CAMK4: variants seen among roughly 807,000 people sequenced by gnomAD.
CAMK4 encodes the protein calcium/calmodulin dependent protein kinase IV.
CAMK4 carries 22 observed loss-of-function variants against 44.9 expected under a neutral mutation model. That is an observed-to-expected ratio of 0.49 (90% CI 0.35 to 0.70). The LOEUF is 0.70. Ranked by LOEUF, CAMK4 falls within the 30% of genes least tolerant of loss-of-function variation. The pLI is 0.01. For missense variants in CAMK4, 498 were observed against 586.8 expected, an observed-to-expected ratio of 0.85 and a Z score of 1.56; for synonymous variants, 218 against 215.4, an observed-to-expected ratio of 1.01 and a Z score of -0.11.
At chr5:111,444,167 G>A (rs985645846) in intron 5 of CAMK4, among the ~76,000 whole-genome samples, 4 of 152,160 alleles carry the variant, frequency 2.6e-5, no homozygotes, top group African/African-American at 4.8e-5. Context: ...TAGGCAAGAC[G>A]TATGTGCTCT....
chr5:111,418,084 A>G (rs911990351), intron 5 of CAMK4, among the ~76,000 whole-genome samples: 1 of 152,068 alleles, frequency 6.6e-6, no homozygotes, highest in Non-Finnish European at 1.5e-5. Context: ...CTGCCCCCAT[A>G]TTCACGTAGG....
At chr5:111,472,902 C>T (rs1580800118) in intron 7 of CAMK4, among the ~76,000 whole-genome samples, 1 of 152,312 alleles carries the variant, frequency 6.6e-6, no homozygotes, top group East Asian at 1.9e-4. Context: ...ACACCCTGCT[C>T]CCAGCAGGTC....
intron 1 of CAMK4, among the ~76,000 whole-genome samples, chr5:111,341,252 G>A (rs763360258): frequency 1.3e-5 from 2 of 150,964 alleles, no homozygotes; most frequent in African/African-American, 2.4e-5. Context: ...TTTTGATTTT[G>A]TATCTAAGAA....
At chr5:111,274,158 T>C (rs1454529354) in intron 1 of CAMK4, among the ~76,000 whole-genome samples, 2 of 152,092 alleles carry the variant, frequency 1.3e-5, no homozygotes, top group Non-Finnish European at 2.9e-5. Flanking sequence ...AATATTTTCT[T>C]GCCTCATTTC....
intron 5 of CAMK4, among the ~76,000 whole-genome samples, chr5:111,401,502 T>C (rs1226804410): frequency 6.8e-6 from 1 of 147,026 alleles, no homozygotes; most frequent in Non-Finnish European, 1.5e-5. Flanking sequence ...AATCTAACCC[T>C]TTAAAAGTCA....
intron 5 of CAMK4, among the ~76,000 whole-genome samples, chr5:111,443,355 T>TA (rs1753914695): frequency 7.0e-6 from 1 of 142,572 alleles, no homozygotes; most frequent in African/African-American, 2.6e-5. Context: ...ATACTATATA[T>TA]ATAGTATATA....
chr5:111,396,504 TC>T (rs1752012910), intron 5 of CAMK4, among the ~76,000 whole-genome samples: 1 of 152,084 alleles, frequency 6.6e-6, no homozygotes, highest in African/African-American at 2.4e-5. Flanking sequence ...CATAGACCTT[TC>T]CAACTTCAGT....
Position 111,224,706 on chromosome 5 carries a change from G to A in CAMK4, c.161+62G>A. 6.6e-7 allele frequency: 1 copy of A among 1,515,940 alleles called. No individual in the cohort carries two copies. Among genetic ancestry groups the A allele is most frequent in the Non-Finnish European group, 8.9e-7 (1 of 1,117,540 alleles). 93.9% of individuals were successfully genotyped at this position (1,515,940 alleles called of 1,614,324 possible). A position where few individuals can be genotyped will look rare whatever the true frequency, so the allele number is the denominator to read the frequency against. Reference sequence around the variant, plus strand: ...TGCACTGGGGGTTGTCCCTCTCGCAGCGACGGCTCGGAGGGTGCGGGAGCC... The same window carrying A: ...TGCACTGGGGGTTGTCCCTCTCGCAACGACGGCTCGGAGGGTGCGGGAGCC... On this transcript the variant is annotated intron_variant, in intron 1 of 10. Coordinates refer to ENST00000282356, the MANE Select transcript of CAMK4 (RefSeq NM_001744.6). The surrounding 1 kb of genome is among the most constrained non-coding windows in gnomAD (Gnocchi z 5.7).
intron 5 of CAMK4, among the ~76,000 whole-genome samples, chr5:111,443,337 CTATATATAT>C (rs1561491478): frequency 2.6e-5 from 3 of 115,616 alleles, no homozygotes; most frequent in South Asian, 2.8e-4. Context: ...ACTATATATA[CTATATATAT>C]ACTATATATA....
chr5:111,348,148 T>G (rs1361504065), intron 2 of CAMK4, among the ~76,000 whole-genome samples: 1 of 152,052 alleles, frequency 6.6e-6, no homozygotes, highest in Non-Finnish European at 1.5e-5. Context: ...AATTCCATTT[T>G]GCGGCAATAT....
chr5:111,227,425 C>T (rs887561824), intron 1 of CAMK4, among the ~76,000 whole-genome samples: 6 of 152,180 alleles, frequency 3.9e-5, no homozygotes, highest in Non-Finnish European at 8.8e-5. Flanking sequence ...TCTGGTGTTA[C>T]GTGTTGCTGT....
chr5:111,391,813 A>G (rs1751811829), intron 4 of CAMK4, among the ~76,000 whole-genome samples: 1 of 152,176 alleles, frequency 6.6e-6, no homozygotes, highest in South Asian at 2.1e-4. Context: ...AACATGTCTT[A>G]AAAGACTTTA....
chr5:111,363,501 A>G (rs1401699052), intron 2 of CAMK4, among the ~76,000 whole-genome samples: 3 of 152,100 alleles, frequency 2.0e-5, no homozygotes, highest in South Asian at 4.1e-4. Flanking sequence ...TCATGCTCCG[A>G]TGGAAGAAAT....
chr5:111,235,850 A>G (rs1179136579), intron 1 of CAMK4, among the ~76,000 whole-genome samples: 2 of 152,098 alleles, frequency 1.3e-5, no homozygotes, highest in Non-Finnish European at 1.5e-5. Context: ...TCGGGGAGCC[A>G]CCTCTAAGGG....
chr5:111,300,477 G>A (rs1483858009), intron 1 of CAMK4, among the ~76,000 whole-genome samples: 2 of 152,032 alleles, frequency 1.3e-5, no homozygotes, highest in Non-Finnish European at 2.9e-5. Flanking sequence ...TCTTTGCATT[G>A]ATTTTTTTGT....
intron 2 of CAMK4, among the ~76,000 whole-genome samples, chr5:111,363,430 G>T (rs1482863960): frequency 6.6e-6 from 1 of 152,010 alleles, no homozygotes; most frequent in African/African-American, 2.4e-5. Context: ...GCCAGGTATT[G>T]GTAAATAACG....
chr5:111,437,384 G>A (rs956690267), intron 5 of CAMK4, among the ~76,000 whole-genome samples: 9 of 152,194 alleles, frequency 5.9e-5, no homozygotes, highest in Non-Finnish European at 1.0e-4. Context: ...GGAAAATTGA[G>A]TTATTTATTA....
At chr5:111,269,680 G>A (rs751924611) in intron 1 of CAMK4, among the ~76,000 whole-genome samples, 5 of 152,032 alleles carry the variant, frequency 3.3e-5, no homozygotes, top group African/African-American at 4.8e-5. Flanking sequence ...ACCTTCTCTC[G>A]TCCCTGGGAC....
intron 1 of CAMK4, among the ~76,000 whole-genome samples, chr5:111,306,816 G>A (rs1426498910): frequency 1.8e-5 from 1 of 54,576 alleles, no homozygotes; most frequent in Non-Finnish European, 3.5e-5. Context: ...AAAGAACAAA[G>A]CTGGAGACAT....
Sources: gnomAD v4.1 joint callset for allele counts (sites outside exome capture counted in the v4.1 genomes callset) on GRCh38, gnomAD v4.1.1 for gene constraint, Gnocchi (gnomAD v3.1) non-coding constraint, MANE v1.5 for transcripts, NCBI Gene and HGNC (gene_info 2026-07-23, HGNC 2026-07-21) for gene names.